KYAT3: variants seen among roughly 807,000 people sequenced by gnomAD.
KYAT3 encodes kynurenine--oxoglutarate transaminase 3.
In KYAT3, 50 loss-of-function variants were observed where a neutral mutation model predicts 59.0. That is an observed-to-expected ratio of 0.85 (90% confidence interval 0.68 to 1.07). The LOEUF is 1.07. KYAT3 is among the 50% of genes least tolerant of loss of function. The pLI is 0.00. For synonymous variants in KYAT3, 148 were observed against 177.0 expected (o/e 0.84, Z 1.30); for missense variants, 497 against 533.3 (o/e 0.93, Z 0.67).
intron 2 of KYAT3, among the ~76,000 whole-genome samples, chr1:88,970,512 A>C (rs1245792753): frequency 6.6e-6 from 1 of 152,204 alleles, no homozygotes; most frequent in Non-Finnish European, 1.5e-5. Flanking sequence ...CAGAACTATT[A>C]TATAATTTTA....
chr1:88,965,093 T>A, intron 4 of KYAT3, 115 bp from the exon 5 acceptor site: 1 of 738,458 alleles, frequency 1.4e-6, no homozygotes, highest in Non-Finnish European at 2.1e-6. Context: ...TGTTTATAAT[T>A]ACCCCAAGAA....
chr1:88,977,164 G>T (rs1373714312), intron 2 of KYAT3, among the ~76,000 whole-genome samples: 9 of 152,052 alleles, frequency 5.9e-5, no homozygotes, highest in Non-Finnish European at 4.4e-5. Flanking sequence ...ACAGGCACGT[G>T]CCACCATGCC....
the KYAT3 span, among the ~76,000 whole-genome samples, chr1:88,922,939 C>A: frequency 1.3e-5 from 2 of 152,168 alleles, no homozygotes; most frequent in Non-Finnish European, 2.9e-5. Flanking sequence ...GCTAGAGTAA[C>A]TATGTGATGC....
intron 8 of KYAT3, among the ~76,000 whole-genome samples, chr1:88,955,436 T>C (rs1413597069): frequency 1.3e-5 from 2 of 152,010 alleles, no homozygotes; most frequent in Non-Finnish European, 1.5e-5. Flanking sequence ...TGCACCAAGA[T>C]AGTATATAAA....
intron 2 of KYAT3, among the ~76,000 whole-genome samples, chr1:88,972,370 C>T (rs570618510): frequency 6.6e-6 from 1 of 152,356 alleles, no homozygotes; most frequent in East Asian, 1.9e-4. Flanking sequence ...GGTACCAGGG[C>T]ATAGCCAAGG....
At position 88,955,263 on chromosome 1, in the gene KYAT3, C is replaced by T. The variant is rs189786376; in HGVS notation, c.788-38G>A. 56 of 1,158,372 alleles carry T rather than the reference C, an allele frequency of 4.8e-5. 1 individual carries two copies. Among genetic ancestry groups the T allele is most frequent in the Non-Finnish European group, 6.2e-5 (48 of 773,040 alleles). 71.8% of individuals were successfully genotyped at this position (1,158,372 alleles called of 1,614,324 possible). On this transcript the variant is annotated intron_variant, in intron 8 of 13. Transcript: ENST00000260508. Reference sequence around the variant, plus strand: ...GGAAAAAAGGGTAAATATTGTTTTCCAATTAATCACATTTAGTATAATCTA... The same window carrying T: ...GGAAAAAAGGGTAAATATTGTTTTCTAATTAATCACATTTAGTATAATCTA...
intron 4 of KYAT3, among the ~76,000 whole-genome samples, chr1:88,967,032 C>G (rs1676375473): frequency 6.6e-6 from 1 of 151,932 alleles, no homozygotes; most frequent in African/African-American, 2.4e-5. Flanking sequence ...GTAAACCTTA[C>G]TTGGTCAGGA....
At chr1:88,989,714 G>A (rs997976962) in intron 1 of KYAT3, among the ~76,000 whole-genome samples, 2 of 152,170 alleles carry the variant, frequency 1.3e-5, no homozygotes, top group Admixed American at 1.3e-4. Context: ...ATACTCTCTA[G>A]GTACCAGGCC....
chr1:88,946,749 C>T (rs1675460874), intron 11 of KYAT3, among the ~76,000 whole-genome samples: 1 of 152,116 alleles, frequency 6.6e-6, no homozygotes, highest in South Asian at 2.1e-4. Flanking sequence ...GTCTAGAACA[C>T]CTTAAGAGGT....
At chr1:88,950,497 CT>C (rs567480434) in intron 10 of KYAT3, among the ~76,000 whole-genome samples, 3,138 of 145,218 alleles carry the variant, frequency 0.022, 37 homozygotes, top group African/African-American at 0.026. Flanking sequence ...TTAGCTATAT[CT>C]TTTTTTTTTT....
chr1:88,955,409 T>A (rs1255532490), intron 8 of KYAT3, among the ~76,000 whole-genome samples, 184 bp from the exon 9 acceptor site: 1 of 152,148 alleles, frequency 6.6e-6, no homozygotes, highest in Non-Finnish European at 1.5e-5. Context: ...GACGAAAAGT[T>A]TACAATACTG....
chr1:88,939,382 A>C (rs938449683), intron 13 of KYAT3, among the ~76,000 whole-genome samples: 1 of 152,102 alleles, frequency 6.6e-6, no homozygotes, highest in Non-Finnish European at 1.5e-5. Context: ...TTTCCCTAGA[A>C]ACTTCCAGCT....
intron 13 of KYAT3, among the ~76,000 whole-genome samples, chr1:88,936,941 C>G (rs1157369847): frequency 6.6e-6 from 1 of 152,178 alleles, no homozygotes; most frequent in Non-Finnish European, 1.5e-5. Flanking sequence ...GCTGGGAGAG[C>G]CTTGGCAACC....
At chr1:88,925,197 G>C in the KYAT3 span, among the ~76,000 whole-genome samples, 34 of 152,228 alleles carry the variant, frequency 2.2e-4, 4 homozygotes, top group Admixed American at 1.8e-3. Flanking sequence ...GAGAAACCAA[G>C]GGCCGACTAG....
intron 13 of KYAT3, among the ~76,000 whole-genome samples, chr1:88,941,213 A>G (rs1675223060): frequency 6.6e-6 from 1 of 152,200 alleles, no homozygotes; most frequent in South Asian, 2.1e-4. Context: ...CAGTCAATTG[A>G]ATGTTTACAT....
intron 2 of KYAT3, chr1:88,981,240 T>G (rs1183444399): frequency 1.3e-5 from 2 of 152,218 alleles, no homozygotes; most frequent in African/African-American, 4.8e-5. Context: ...CTAAACTGTT[T>G]GTGGATAAGC....
At chr1:88,982,337 A>G in intron 2 of KYAT3, 2 of 725,796 alleles carry the variant, frequency 2.8e-6, no homozygotes, top group Non-Finnish European at 3.6e-6. Flanking sequence ...TGCTTGCCTC[A>G]TTTACTGGGA....
At chr1:88,951,811 G>A (rs1403043407) in intron 10 of KYAT3, among the ~76,000 whole-genome samples, 1 of 151,832 alleles carries the variant, frequency 6.6e-6, no homozygotes, top group African/African-American at 2.4e-5. Flanking sequence ...TGACTTCTAG[G>A]TCTTAAAACC....
At chr1:88,928,928 C>T in the KYAT3 span, among the ~76,000 whole-genome samples, 18 of 151,992 alleles carry the variant, frequency 1.2e-4, no homozygotes, top group Admixed American at 1.1e-3. Context: ...GAAAGCCCCA[C>T]TCCCTTGTTA....
Sources: gnomAD v4.1 joint callset for allele counts (sites outside exome capture counted in the v4.1 genomes callset) on GRCh38, gnomAD v4.1.1 for gene constraint, MANE v1.5 for transcripts, NCBI Gene and HGNC (gene_info 2026-07-23, HGNC 2026-07-21) for gene names.